Variants in VPS13D observed in about 807,000 individuals in gnomAD.
The protein encoded by VPS13D is vacuolar protein sorting 13 homolog D.
In VPS13D, 187 loss-of-function variants were observed where a neutral mutation model predicts 461.9. The ratio of observed to expected loss-of-function variants is 0.40; its 90% CI spans 0.36 to 0.46. VPS13D has a LOEUF of 0.46. Among genes scored for constraint, VPS13D ranks in the 20% least tolerant of loss-of-function variants. The probability of loss-of-function intolerance (pLI) is 0.60; values close to 1 mark genes in which losing one functional copy is unlikely to be tolerated. For synonymous variants in VPS13D, 1,951 were observed against 1,986.3 expected (o/e 0.98, Z 0.47); for missense variants, 4,711 against 5,364.9 (o/e 0.88, Z 3.81).
intron 63 of VPS13D, among the ~76,000 whole-genome samples, chr1:12,405,824 T>C (rs942843295): frequency 1.3e-5 from 2 of 152,132 alleles, no homozygotes; most frequent in African/African-American, 4.8e-5. Flanking sequence ...TTCCTGAGGG[T>C]TGAGGACTTC....
intron 66 of VPS13D, among the ~76,000 whole-genome samples, chr1:12,458,496 G>A (rs1199871675): frequency 1.3e-5 from 2 of 152,044 alleles, no homozygotes; most frequent in African/African-American, 4.8e-5. Context: ...GAGCCCAGGA[G>A]TTTAAGGCTG....
In VPS13D at chr1:12,304,579, C is replaced by T. The variant is rs267597962; in HGVS notation, c.6290C>T (p.Pro2097Leu). Residue 2097 changes from proline (P) to leucine (L), a missense_variant, in exon 26 of 70, where the codon CCC becomes CTC. Transcript: ENST00000620676. The part of the protein sequence containing the change: ...SLRKTTSTEE[P>L]RGTHSQGQFT... Reference sequence around the variant, plus strand: ...AGGAAAACGACAAGCACGGAGGAGCCCAGGGGAACCCATTCCCAGGGGCAG... The same window carrying T: ...AGGAAAACGACAAGCACGGAGGAGCTCAGGGGAACCCATTCCCAGGGGCAG... 6.2e-7 allele frequency: 1 copy of T among 1,614,044 alleles called. No homozygotes were observed. Among genetic ancestry groups the T allele is most frequent in the South Asian group, 1.1e-5 (1 of 91,074 alleles).
chr1:12,400,949 C>T (rs1456747289), intron 61 of VPS13D, among the ~76,000 whole-genome samples: 1 of 133,646 alleles, frequency 7.5e-6, no homozygotes, highest in Non-Finnish European at 1.6e-5. Flanking sequence ...GTGAGATGTG[C>T]ACCTGCGCGC....
intron 67 of VPS13D, among the ~76,000 whole-genome samples, chr1:12,468,358 AT>A (rs1218349626): frequency 6.6e-6 from 1 of 152,228 alleles, no homozygotes; most frequent in African/African-American, 2.4e-5. Flanking sequence ...CCCATGCCTC[AT>A]GTTTTTCCCT....
At chr1:12,370,327 T>G (rs1019724710) in intron 54 of VPS13D, among the ~76,000 whole-genome samples, 5 of 152,232 alleles carry the variant, frequency 3.3e-5, no homozygotes, top group African/African-American at 1.2e-4. Flanking sequence ...TAGCTTATTG[T>G]TTCTGTGCTG....
Position 12,277,648 on chromosome 1 carries a change from A to G in VPS13D, c.4060A>G (p.Ile1354Val), listed in dbSNP as rs1029288209. The change falls in exon 19 of 70, where the codon ATC becomes GTC. Residue 1354 changes from isoleucine (I) to valine (V), a missense_variant. Transcript: ENST00000620676. ...TCCAAGGAAGACTCGGGAACCCTTTATCTTAGAGGAAAATGAAATATATGG... is the reference window on the plus strand; with the variant it reads ...TCCAAGGAAGACTCGGGAACCCTTTGTCTTAGAGGAAAATGAAATATATGG... ...ETPRKTREPF[I>V]LEENEIYGFD... is the part of the protein sequence containing the mutation. 3 of 1,614,132 alleles carry G rather than the reference A, an allele frequency of 1.9e-6. No individual in the cohort carries two copies. The African/African-American group carries it at 4.0e-5, about 22-fold the overall frequency.
chr1:12,506,145 T>C (rs1371501259), intron 68 of VPS13D, among the ~76,000 whole-genome samples: 4 of 152,232 alleles, frequency 2.6e-5, no homozygotes, highest in African/African-American at 9.6e-5. Flanking sequence ...ACTGTCACAC[T>C]GTTCCCAAGG....
chr1:12,432,403 A>G (rs1645003702), intron 65 of VPS13D, among the ~76,000 whole-genome samples: 1 of 151,904 alleles, frequency 6.6e-6, no homozygotes, highest in African/African-American at 2.4e-5. Flanking sequence ...TCAAAAAAAA[A>G]AAAAAAGAAA....
chr1:12,240,268 C>T (rs1475660659), intron 2 of VPS13D, among the ~76,000 whole-genome samples: 2 of 152,070 alleles, frequency 1.3e-5, no homozygotes, highest in South Asian at 2.1e-4. Context: ...CCAGAGCTCA[C>T]CTGCCTTTGT....
chr1:12,464,787 A>G (rs1645460224), intron 67 of VPS13D, among the ~76,000 whole-genome samples: 1 of 152,068 alleles, frequency 6.6e-6, no homozygotes, highest in Non-Finnish European at 1.5e-5. Flanking sequence ...AATATCCCCC[A>G]CTGCATTTGT....
intron 63 of VPS13D, among the ~76,000 whole-genome samples, chr1:12,411,274 A>G (rs533302083): frequency 2.0e-4 from 31 of 152,346 alleles, no homozygotes; most frequent in Non-Finnish European, 3.7e-4. Flanking sequence ...TAGAGACAGT[A>G]TAGAAAACAG....
At chr1:12,416,639 T>G in intron 64 of VPS13D, 21 bp from the exon 65 acceptor site, 2 of 1,606,950 alleles carry the variant, frequency 1.2e-6, no homozygotes, top group Non-Finnish European at 1.7e-6. Context: ...TGGACTTTTC[T>G]CTTCCTGTTC....
At chr1:12,482,505 G>A (rs949156046) in intron 67 of VPS13D, among the ~76,000 whole-genome samples, 15 of 152,158 alleles carry the variant, frequency 9.9e-5, no homozygotes, top group Admixed American at 9.2e-4. Flanking sequence ...ATGTACAAAT[G>A]TAAACTTCTG....
chr1:12,362,937 G>C, intron 51 of VPS13D, 87 bp downstream of exon 51: 1 of 1,593,686 alleles, frequency 6.3e-7, no homozygotes, highest in Non-Finnish European at 8.6e-7. Context: ...TACGTTCTGT[G>C]ATGCAAGTAA....
intron 65 of VPS13D, among the ~76,000 whole-genome samples, chr1:12,437,672 G>A (rs1270360607): frequency 6.6e-6 from 1 of 152,042 alleles, no homozygotes; most frequent in Non-Finnish European, 1.5e-5. Flanking sequence ...TCCATTCAAG[G>A]CAACTAACAG....
chr1:12,442,778 G>A (rs968539696), intron 65 of VPS13D, among the ~76,000 whole-genome samples: 24 of 151,776 alleles, frequency 1.6e-4, no homozygotes, highest in Non-Finnish European at 2.1e-4. Flanking sequence ...TTATAGAGAC[G>A]GAATCTTGCC....
At chr1:12,385,494 T>G in intron 59 of VPS13D, 121 bp downstream of exon 59, 1 of 753,732 alleles carries the variant, frequency 1.3e-6, no homozygotes, top group Non-Finnish European at 2.1e-6. Context: ...TGAGTTACGC[T>G]TCACAGTGTT....
chr1:12,312,344 A>G (rs1307044321), intron 29 of VPS13D, among the ~76,000 whole-genome samples: 1 of 152,200 alleles, frequency 6.6e-6, no homozygotes, highest in Non-Finnish European at 1.5e-5. Flanking sequence ...GAACTAAAAT[A>G]TGGTCCCACA....
intron 5 of VPS13D, among the ~76,000 whole-genome samples, chr1:12,247,530 A>G (rs1640596000): frequency 6.6e-6 from 1 of 152,074 alleles, no homozygotes; most frequent in African/African-American, 2.4e-5. Context: ...AACAAAAACA[A>G]AAAGCAAACA....
Sources: allele counts gnomAD v4.1 joint callset (sites outside exome capture counted in the v4.1 genomes callset), GRCh38; gene constraint gnomAD v4.1.1; transcripts MANE v1.5; gene names NCBI Gene and HGNC (gene_info 2026-07-23, HGNC 2026-07-21).